The following HPR variants were observed in gnomAD, a reference collection of about 807,000 sequenced individuals.
HPR encodes haptoglobin-related protein.
Under a neutral mutation model 18.5 loss-of-function variants are expected in HPR, and 17 were observed. That is an observed-to-expected ratio of 0.92 (90% confidence interval 0.63 to 1.38). HPR has a LOEUF of 1.38. Among genes scored for constraint, HPR ranks in the 40% most tolerant of loss-of-function variants. The pLI, the probability that HPR is intolerant of heterozygous loss-of-function variation, is 0.00. For missense variants in HPR, 457 were observed against 432.4 expected (o/e 1.06, Z -0.51); for synonymous variants, 176 against 165.0 (o/e 1.07, Z -0.51).
intron 1 of HPR, among the ~76,000 whole-genome samples, chr16:72,069,633 C>T (rs149929326): frequency 1.1e-4 from 17 of 152,226 alleles, no homozygotes; most frequent in Middle Eastern, 3.4e-3. Context: ...AAGCCATGTG[C>T]GATGCAGTTC....
chr16:72,073,901 AG>A lies in HPR; in HGVS notation c.16del (p.Ala6LeufsTer64). On this transcript the variant is annotated frameshift_variant, in exon 2 of 5. Transcript: ENST00000540303. LOFTEE classifies it high-confidence loss of function. ...TGTTTTCTCTCTGCAGTGACCTGGGAGCTGTCATTTCCCTCCTGCTCTGGGG... is the reference window on the plus strand; with the variant it reads ...TGTTTTCTCTCTGCAGTGACCTGGGACTGTCATTTCCCTCCTGCTCTGGGG... MSDLG[A>X]VISLLLWGRQ... 6.2e-7 allele frequency: 1 copy of A among 1,613,806 alleles called. No homozygotes were observed.
Position 72,073,990 on chromosome 16 carries a change from G to A in HPR, c.91+13G>A. On this transcript the variant is annotated intron_variant, in intron 2 of 4. Transcript: ENST00000540303. ...ACGGATATTTCAGGTCAGTCTTTGA[G>A]TTGGGTAGGAGCATGCATCCCTGGC... 35 of 1,613,992 alleles carry A rather than the reference G, an allele frequency of 2.2e-5. No individual in the cohort carries two copies. The highest frequency in any genetic ancestry group is 3.0e-5 in the Non-Finnish European group (35 of 1,179,972).
chr16:72,068,813 A>C (rs984546347), intron 1 of HPR, among the ~76,000 whole-genome samples: 1 of 152,182 alleles, frequency 6.6e-6, no homozygotes, highest in Non-Finnish European at 1.5e-5. Context: ...GAGCTATTTT[A>C]AATAAAAAAG....
At chr16:72,063,327 G>C in intron 1 of HPR, 67 bp downstream of exon 1, 1 of 1,415,492 alleles carries the variant, frequency 7.1e-7, no homozygotes, top group South Asian at 1.4e-5. Flanking sequence ...TGCATACATT[G>C]GTACAGATGC....
At chr16:72,069,513 G>A (rs1225795796) in intron 1 of HPR, among the ~76,000 whole-genome samples, 1 of 152,070 alleles carries the variant, frequency 6.6e-6, no homozygotes, top group Non-Finnish European at 1.5e-5. Flanking sequence ...GGAGCCAAAG[G>A]AGAAGACCAG....
intron 1 of HPR, among the ~76,000 whole-genome samples, chr16:72,071,621 T>C (rs2144069624): frequency 6.6e-6 from 1 of 152,314 alleles, no homozygotes; most frequent in East Asian, 1.9e-4. Flanking sequence ...CTTAATGGGA[T>C]GCAGTGAGCT....
At position 72,076,823 on chromosome 16, in the gene HPR, G is replaced by C. The variant is rs1597421815; in HGVS notation, c.789G>C (p.Trp263Cys). Residue 263 changes from tryptophan (W) to cysteine (C), a missense_variant, in exon 5 of 5, where the codon TGG (tryptophan) becomes TGC (cysteine). By Grantham distance (215) the Trp-to-Cys change is radical. Transcript: ENST00000540303. ...ATGAAGGCAGCACATGCCCCAAATG[G>C]AAGGCACCGAAGAGCCCTGTAGGGG... ...THYEGSTCPK[W>C]KAPKSPVGVQ... The C allele has an allele frequency of 1.2e-6, 2 of 1,614,106 alleles. No homozygotes were observed. Among genetic ancestry groups the C allele is most frequent in the African/African-American group, 2.7e-5 (2 of 74,928 alleles).
intron 1 of HPR, among the ~76,000 whole-genome samples, chr16:72,064,506 C>T (rs1463451035): frequency 6.6e-6 from 1 of 152,188 alleles, no homozygotes; most frequent in Non-Finnish European, 1.5e-5. Flanking sequence ...CCCGCCTTCC[C>T]ACCAGTGCAA....
chr16:72,071,512 C>T (rs186893046), intron 1 of HPR, among the ~76,000 whole-genome samples: 1 of 152,136 alleles, frequency 6.6e-6, no homozygotes, highest in Admixed American at 6.5e-5. Context: ...GCTCAACACC[C>T]TGAGGGTCAG....
At chr16:72,076,210 G>A (rs1167838587) in intron 4 of HPR, 93 bp from the exon 5 acceptor site, 1 of 1,578,678 alleles carries the variant, frequency 6.3e-7, no homozygotes, top group Admixed American at 1.8e-5. Context: ...TCCAGTTTAT[G>A]CAGCAGTGAC....
Position 72,074,384 on chromosome 16 carries a change from T to C in HPR, c.192T>C (p.Asp64=), listed in dbSNP as rs187035628. ...ACTACAGACTGCGCACAGAAGGAGA[T>C]GGTAAGACCTGGACAACTATCTCTG... ...KNYYRLRTEG[D]GVYTLNDKKQ... Residue 64 remains aspartate, a splice_region_variant and synonymous_variant, in exon 3 of 5, where the codon GAT becomes GAC. Transcript: ENST00000540303. 4.8e-5 allele frequency: 76 copies of C among 1,595,046 alleles called. No individual in the cohort carries two copies. The highest frequency in any genetic ancestry group is 5.8e-5 in the Non-Finnish European group (68 of 1,162,620).
In HPR at chr16:72,076,651, C is replaced by T. The variant is rs1237898286; in HGVS notation, c.617C>T (p.Pro206Leu). The T allele has an allele frequency of 2.2e-5, 36 of 1,614,010 alleles. No homozygotes were observed. Among genetic ancestry groups the T allele is most frequent in the African/African-American group, 4.0e-5 (3 of 74,906 alleles). ...QKVLVNERVMPICLPSKNYAE... is the reference protein window; with the variant it reads ...QKVLVNERVMLICLPSKNYAE... ...GTGCTTGTTAATGAGAGAGTGATGCCCATCTGCCTACCTTCAAAGAATTAT... is the reference window on the plus strand; with the variant it reads ...GTGCTTGTTAATGAGAGAGTGATGCTCATCTGCCTACCTTCAAAGAATTAT... Residue 206 changes from proline to leucine, a missense_variant, in exon 5 of 5, where the codon CCC becomes CTC. Pro to Leu is a moderately conservative substitution (Grantham distance 98, BLOSUM62 -3). Transcript: ENST00000540303.
At chr16:72,076,226 C>G (rs2041721265) in intron 4 of HPR, 77 bp from the exon 5 acceptor site, 4 of 1,592,476 alleles carry the variant, frequency 2.5e-6, no homozygotes, top group Non-Finnish European at 3.4e-6. Flanking sequence ...GTGACAGCCG[C>G]CAATGCTTTC....
rs2041700501 is a variant in HPR, at chr16:72,074,838, T to A, written c.194-307T>A. On this transcript the variant is annotated intron_variant, in intron 3 of 4. Transcript: ENST00000540303. Reference sequence around the variant, plus strand: ...AACAGAGGCACCGACAGGTTGAGTATCTTGCCCAAATTCAGGTGGCCTGTA... The same window carrying A: ...AACAGAGGCACCGACAGGTTGAGTAACTTGCCCAAATTCAGGTGGCCTGTA... The A allele has an allele frequency of 7.7e-6, 5 of 646,660 alleles. No individual in the cohort carries two copies. In the East Asian group the frequency reaches 1.4e-4, roughly 18 times the overall value. The allele number at this position is 646,660 out of a possible 1,614,324, so 40.1% of individuals were successfully genotyped here. A position where few individuals can be genotyped will look rare whatever the true frequency, so the allele number is the denominator to read the frequency against.
In HPR at chr16:72,076,885, G is replaced by C. The variant is rs771231792; in HGVS notation, c.851G>C (p.Gly284Ala). Reference sequence around the variant, plus strand: ...CTGAACGAACACACCTTCTGTGTCGGCATGTCTAAGTACCAGGAAGACACC... The same window carrying C: ...CTGAACGAACACACCTTCTGTGTCGCCATGTCTAAGTACCAGGAAGACACC... ...PILNEHTFCV[G>A]MSKYQEDTCY... Residue 284 changes from glycine to alanine, a missense_variant, in exon 5 of 5, where the codon GGC becomes GCC. By Grantham distance (60) the Gly-to-Ala change is moderately conservative. Transcript: ENST00000540303. The C allele has an allele frequency of 6.2e-6, 10 of 1,614,216 alleles. No individual in the cohort carries two copies. The highest frequency in any genetic ancestry group is 8.5e-6 in the Non-Finnish European group (10 of 1,180,042).
chr16:72,068,977 T>C (rs138621537), intron 1 of HPR, among the ~76,000 whole-genome samples: 1 of 152,286 alleles, frequency 6.6e-6, no homozygotes, highest in Non-Finnish European at 1.5e-5. Flanking sequence ...ACGGCACTTA[T>C]TTATAGATGG....
At position 72,077,139 on chromosome 16, in the gene HPR, A is replaced by AAGTGGACGGG. The variant is rs2041742402; in HGVS notation, c.*66_*75dup. On this transcript the variant is annotated 3_prime_UTR_variant, in exon 5 of 5. Transcript: ENST00000540303. The stretch of plus-strand genomic sequence containing the variant: ...CAAGATTTCAGCCTGGAAGAGGGCA[A>AAGTGGACGGG]AGTGGACGGGAGTGGACAGGAGTGG... The AAGTGGACGGG allele has an allele frequency of 1.9e-6, 3 of 1,546,252 alleles. No individual in the cohort carries two copies. The highest frequency in any genetic ancestry group is 2.6e-6 in the Non-Finnish European group (3 of 1,138,386).
At chr16:72,073,821 T>C (rs1290271477) in intron 1 of HPR, 71 bp from the exon 2 acceptor site, 1 of 1,610,262 alleles carries the variant, frequency 6.2e-7, no homozygotes, top group Non-Finnish European at 8.5e-7. Context: ...CATGCCTGTG[T>C]GTGTGGATGC....
intron 4 of HPR, 92 bp from the exon 5 acceptor site, chr16:72,076,211 C>G (rs1474745875): frequency 6.3e-7 from 1 of 1,578,872 alleles, no homozygotes; most frequent in Non-Finnish European, 8.6e-7. Context: ...CCAGTTTATG[C>G]AGCAGTGACA....
Sources: gnomAD v4.1 joint callset for allele counts (sites outside exome capture counted in the v4.1 genomes callset) on GRCh38, gnomAD v4.1.1 for gene constraint, MANE v1.5 for transcripts, NCBI Gene and HGNC (gene_info 2026-07-23, HGNC 2026-07-21) for gene names.